Variants in BBS9 observed in about 807,000 individuals in gnomAD.
The protein encoded by BBS9 is protein PTHB1.
In BBS9, 89 loss-of-function variants were observed where a neutral mutation model predicts 117.7. That is an observed-to-expected ratio of 0.76 (90% confidence interval 0.64 to 0.90). The LOEUF (loss-of-function observed/expected upper bound fraction) is 0.90. BBS9 is among the 40% of genes least tolerant of loss of function. The pLI is 0.00. For missense variants in BBS9, 982 were observed against 1,042.2 expected (o/e 0.94, Z 0.80); for synonymous variants, 379 against 370.9 (o/e 1.02, Z -0.25).
At chr7:33,255,347 CT>C (rs34214619) in intron 5 of BBS9, among the ~76,000 whole-genome samples, 79 of 134,002 alleles carry the variant, frequency 5.9e-4, no homozygotes, top group East Asian at 1.7e-3. Context: ...AGATAAGGAT[CT>C]TTTTTTTTTT....
intron 19 of BBS9, among the ~76,000 whole-genome samples, chr7:33,464,208 A>G (rs779543668): frequency 2.6e-5 from 4 of 152,110 alleles, no homozygotes; most frequent in Non-Finnish European, 4.4e-5. Flanking sequence ...GACAGACATT[A>G]TCAGAAAAGC....
intron 19 of BBS9, among the ~76,000 whole-genome samples, chr7:33,482,198 G>A (rs1842596335): frequency 2.0e-5 from 3 of 152,052 alleles, no homozygotes; most frequent in Admixed American, 2.0e-4. Context: ...TCATTTTAGA[G>A]ACTGATAAAG....
chr7:33,287,954 C>T (rs1400600173), intron 9 of BBS9, among the ~76,000 whole-genome samples: 1 of 152,118 alleles, frequency 6.6e-6, no homozygotes, highest in African/African-American at 2.4e-5. Flanking sequence ...AGGGAACTTG[C>T]ACAGCGGGGC....
intron 4 of BBS9, 54 bp from the exon 5 acceptor site, chr7:33,177,424 T>A: frequency 8.4e-7 from 1 of 1,194,262 alleles, no homozygotes; most frequent in South Asian, 1.2e-5. Flanking sequence ...GAGAACAAAT[T>A]AATGTTTTTT....
chr7:33,336,429 T>C lies in BBS9; in HGVS notation c.1017-12T>C, dbSNP rs1225630903. 1.9e-6 allele frequency: 3 copies of C among 1,610,260 alleles called. No individual in the cohort carries two copies. Among genetic ancestry groups the C allele is most frequent in the Non-Finnish European group, 2.5e-6 (3 of 1,176,918 alleles). On this transcript the variant is annotated splice_polypyrimidine_tract_variant and intron_variant, in intron 9 of 22. Transcript: ENST00000242067. ...TTTAAAATTATGTCTCATTTTCTCTTCCTTATTGTAGTGATTTAAAGGGAG... is the reference window on the plus strand; with the variant it reads ...TTTAAAATTATGTCTCATTTTCTCTCCCTTATTGTAGTGATTTAAAGGGAG...
At chr7:33,367,897 T>G (rs898531234) in intron 17 of BBS9, 35 bp downstream of exon 17, 4 of 1,570,670 alleles carry the variant, frequency 2.5e-6, no homozygotes, top group East Asian at 2.2e-5. Flanking sequence ...CTTTTTAAAT[T>G]TTTTTCTAAG....
Position 33,421,525 on chromosome 7 carries a change from A to G in BBS9, c.2115+33381A>G, listed in dbSNP as rs538414531. Among the ~76,000 whole-genome samples, 15 of 152,318 alleles carry G rather than the reference A, an allele frequency of 9.8e-5. No individual in the cohort carries two copies. The East Asian group carries it at 2.7e-3, about 27-fold the overall frequency. Reference sequence around the variant, plus strand: ...TGAGAACGTTTTAACCAGATGTAGCAAAGACCTAGGCATACTTTATTGATC... The same window carrying G: ...TGAGAACGTTTTAACCAGATGTAGCGAAGACCTAGGCATACTTTATTGATC... On this transcript the variant is annotated intron_variant, in intron 19 of 22. Coordinates refer to ENST00000242067, the MANE Select transcript of BBS9 (RefSeq NM_198428.3).
At chr7:33,475,771 A>T (rs1018847177) in intron 19 of BBS9, among the ~76,000 whole-genome samples, 3 of 152,158 alleles carry the variant, frequency 2.0e-5, no homozygotes, top group African/African-American at 7.2e-5. Flanking sequence ...AGTGTATACA[A>T]AATCACTATG....
intron 19 of BBS9, among the ~76,000 whole-genome samples, chr7:33,484,445 CTTG>C (rs1023402203): frequency 3.3e-5 from 5 of 152,008 alleles, no homozygotes; most frequent in Admixed American, 6.6e-5. Context: ...ACTTATTTTT[CTTG>C]TTGTTGTGGT....
chr7:33,542,699 ATGTGTGTGTG>A (rs200416682), intron 21 of BBS9, among the ~76,000 whole-genome samples: 3,384 of 145,866 alleles, frequency 0.023, 101 homozygotes, highest in East Asian at 0.12. Flanking sequence ...CATTATATAT[ATGTGTGTGTG>A]TGTGTGTGTG....
chr7:33,259,845 C>G (rs1256063387), intron 6 of BBS9, among the ~76,000 whole-genome samples: 1 of 151,724 alleles, frequency 6.6e-6, no homozygotes, highest in Non-Finnish European at 1.5e-5. Context: ...GCCTCTCCTT[C>G]CCATTCCCAT....
At chr7:33,315,358 CTT>C (rs1475112994) in intron 9 of BBS9, among the ~76,000 whole-genome samples, 1 of 152,148 alleles carries the variant, frequency 6.6e-6, no homozygotes, top group African/African-American at 2.4e-5. Flanking sequence ...GTTTCTCTGT[CTT>C]TTCCTTTTCT....
chr7:33,547,743 T>C (rs147453061), intron 21 of BBS9, among the ~76,000 whole-genome samples: 3 of 152,364 alleles, frequency 2.0e-5, no homozygotes, highest in Non-Finnish European at 4.4e-5. Flanking sequence ...GCCATAGCTT[T>C]TCACTTTCAT....
intron 21 of BBS9, among the ~76,000 whole-genome samples, chr7:33,538,183 A>G (rs897558041): frequency 1.3e-5 from 2 of 152,246 alleles, no homozygotes; most frequent in African/African-American, 4.8e-5. Flanking sequence ...TTTCTTTCAC[A>G]CTGCCAGATT....
chr7:33,278,549 G>C (rs1173704362), intron 9 of BBS9, among the ~76,000 whole-genome samples: 2 of 152,110 alleles, frequency 1.3e-5, no homozygotes, highest in Admixed American at 1.3e-4. Flanking sequence ...GAGTTCAGCT[G>C]AACAGCTGTT....
chr7:33,603,934 A>G (rs1343606610), intron 21 of BBS9, among the ~76,000 whole-genome samples: 2 of 152,178 alleles, frequency 1.3e-5, no homozygotes, highest in African/African-American at 4.8e-5. Flanking sequence ...TGTGGTTTTG[A>G]AATCAGTGCT....
intron 21 of BBS9, among the ~76,000 whole-genome samples, chr7:33,577,221 C>A (rs531826479): frequency 6.6e-6 from 1 of 152,012 alleles, no homozygotes; most frequent in African/African-American, 2.4e-5. Context: ...AAAAAACAAC[C>A]CCATCCAAAA....
intron 5 of BBS9, among the ~76,000 whole-genome samples, chr7:33,228,307 C>T (rs1196935306): frequency 1.3e-5 from 2 of 151,480 alleles, no homozygotes. Flanking sequence ...TGTCGTTTGC[C>T]CTTAAATCCT....
chr7:33,314,771 A>G (rs937109345), intron 9 of BBS9, among the ~76,000 whole-genome samples: 1 of 152,244 alleles, frequency 6.6e-6, no homozygotes, highest in Admixed American at 6.5e-5. Flanking sequence ...CAGTCTATTC[A>G]AAGTTGACAC....
Sources: gnomAD v4.1 joint callset for allele counts (sites outside exome capture counted in the v4.1 genomes callset) on GRCh38, gnomAD v4.1.1 for gene constraint, MANE v1.5 for transcripts, NCBI Gene and HGNC (gene_info 2026-07-23, HGNC 2026-07-21) for gene names.